The following ZBTB46 variants were observed in gnomAD, a reference collection of about 807,000 sequenced individuals.
The protein encoded by ZBTB46 is zinc finger and BTB domain-containing protein 46.
In ZBTB46, 8 loss-of-function variants were observed where a neutral mutation model predicts 44.1. The observed-to-expected ratio is 0.18, with a 90% CI of 0.11 to 0.33. The LOEUF is 0.33. Ranked by LOEUF, ZBTB46 falls within the 10% of genes least tolerant of loss-of-function variation. ZBTB46 has a pLI of 1.00. For synonymous variants in ZBTB46, 409 were observed against 382.3 expected, an observed-to-expected ratio of 1.07 and a Z score of -0.81; for missense variants, 651 against 847.7, an observed-to-expected ratio of 0.77 and a Z score of 2.88.
chr20:63,765,047 G>A (rs1186019352), intron 3 of ZBTB46, among the ~76,000 whole-genome samples: 1 of 6,960 alleles, frequency 1.4e-4, no homozygotes, highest in Non-Finnish European at 3.6e-4. Flanking sequence ...GTGCGTGCGT[G>A]TGTGTGTATG....
intron 1 of ZBTB46, among the ~76,000 whole-genome samples, chr20:63,830,569 C>T (rs1192783005): frequency 2.7e-5 from 4 of 150,406 alleles, no homozygotes; most frequent in African/African-American, 7.3e-5. Context: ...CCCGCAGTTC[C>T]GACTCTTGGC....
chr20:63,812,799 C>G (rs535998670), intron 1 of ZBTB46, among the ~76,000 whole-genome samples: 5 of 151,506 alleles, frequency 3.3e-5, no homozygotes, highest in Non-Finnish European at 1.5e-5. Flanking sequence ...CAAAACAAAA[C>G]AAAACAAAAA....
At chr20:63,759,397 T>C (rs779608197) in intron 3 of ZBTB46, among the ~76,000 whole-genome samples, 2 of 152,166 alleles carry the variant, frequency 1.3e-5, no homozygotes, top group Non-Finnish European at 2.9e-5. Context: ...TTTTTCTTTT[T>C]TTTCTTTAGT....
intron 1 of ZBTB46, among the ~76,000 whole-genome samples, chr20:63,820,093 C>G (rs574048640): frequency 2.2e-4 from 34 of 152,166 alleles, no homozygotes; most frequent in Non-Finnish European, 3.7e-4. Context: ...AGTAAACAGG[C>G]ACACTTTTTT....
chr20:63,743,910 A>G lies in ZBTB46; in HGVS notation c.*3020T>C, dbSNP rs146835562. The G allele has an allele frequency of 2.5e-4, 38 of 152,768 alleles. No homozygotes were observed. The highest frequency in any genetic ancestry group is 8.2e-4 in the African/African-American group (34 of 41,578). 9.5% of individuals were successfully genotyped at this position (152,768 alleles called of 1,614,324 possible). On this transcript the variant is annotated 3_prime_UTR_variant, in exon 5 of 5. Coordinates refer to ENST00000245663, the MANE Select transcript of ZBTB46 (RefSeq NM_001369741.1). ...TCTCCAATACAAACACAGGTTTATA[A>G]TAAGTAATAGGAAGTCAATATAATA...
Position 63,787,820 on chromosome 20 carries a change from G to A in ZBTB46, c.937+2001C>T, listed in dbSNP as rs1173176278. The A allele has an allele frequency of 2.0e-5, 3 of 152,182 alleles. No individual in the cohort carries two copies. Among genetic ancestry groups the A allele is most frequent in the Non-Finnish European group, 2.9e-5 (2 of 68,042 alleles). 9.4% of individuals were successfully genotyped at this position (152,182 alleles called of 1,614,324 possible). On this transcript the variant is annotated intron_variant, in intron 2 of 4. Coordinates refer to ENST00000245663, the MANE Select transcript of ZBTB46 (RefSeq NM_001369741.1). This position sits in a 1 kb window ranked among gnomAD's most constrained non-coding sequence, Gnocchi z 4.6. Reference sequence around the variant, plus strand: ...CAATGATAAAAGTTAACGTATTATCGAGCTGTGTTCACTCCCGGCTCTCGC... The same window carrying A: ...CAATGATAAAAGTTAACGTATTATCAAGCTGTGTTCACTCCCGGCTCTCGC...
chr20:63,814,871 A>G (rs2092739184), intron 1 of ZBTB46: 1 of 152,572 alleles, frequency 6.6e-6, no homozygotes, highest in Admixed American at 6.5e-5. Flanking sequence ...AGTAGTTGCT[A>G]CCCTTCATTT....
chr20:63,797,394 G>A (rs756616287), intron 1 of ZBTB46, among the ~76,000 whole-genome samples: 14 of 151,544 alleles, frequency 9.2e-5, no homozygotes, highest in Non-Finnish European at 2.1e-4. Flanking sequence ...TCTTAATCTG[G>A]TCTATCATTG....
In ZBTB46 at chr20:63,746,919, G is replaced by A. The variant is rs767041807; in HGVS notation, c.*11C>T. 5.4e-5 allele frequency: 81 copies of A among 1,512,918 alleles called. No homozygotes were observed. Among genetic ancestry groups the A allele is most frequent in the Non-Finnish European group, 6.4e-5 (73 of 1,131,876 alleles). 93.7% of individuals were successfully genotyped at this position (1,512,918 alleles called of 1,614,324 possible). The stretch of plus-strand genomic sequence containing the variant: ...GAGCGAGGCAGCCACCGACCCTGCC[G>A]GCGGGCGGGCCTAGGAGAGCCAGGC... On this transcript the variant is annotated 3_prime_UTR_variant, in exon 5 of 5. Transcript: ENST00000245663.
intron 3 of ZBTB46, among the ~76,000 whole-genome samples, chr20:63,759,119 A>G (rs1341977743): frequency 6.6e-6 from 1 of 152,038 alleles, no homozygotes; most frequent in Non-Finnish European, 1.5e-5. Context: ...AATTTCTCCC[A>G]GCAATATTTT....
rs146506866 is a variant in ZBTB46, at chr20:63,789,629, C to T, written c.937+192G>A. On this transcript the variant is annotated intron_variant, in intron 2 of 4. Coordinates refer to ENST00000245663, the MANE Select transcript of ZBTB46 (RefSeq NM_001369741.1). ...CAGATACACAGGGTCTCCAAGGGCC[C>T]TGGTGATGCCCTGCCCTTTGAGATG... 2.0e-5 allele frequency among the ~76,000 whole-genome samples: 3 copies of T among 152,364 alleles called. No individual in the cohort carries two copies. In the East Asian group the frequency reaches 5.8e-4, roughly 29 times the overall value.
chr20:63,756,309 G>A (rs765002403), intron 3 of ZBTB46, among the ~76,000 whole-genome samples: 11 of 152,236 alleles, frequency 7.2e-5, no homozygotes, highest in Non-Finnish European at 1.0e-4. Flanking sequence ...TGGACTGGCA[G>A]TTGGCTTCAG....
Position 63,752,728 on chromosome 20 carries a change from C to G in ZBTB46, c.1356G>C (p.Gly452=), listed in dbSNP as rs1488757192. The G allele has an allele frequency of 1.9e-6, 3 of 1,608,476 alleles. No individual in the cohort carries two copies. The highest frequency in any genetic ancestry group is 1.3e-5 in the African/African-American group (1 of 74,870). ...GERPYPCEIC[G]KKFTRREHMK... ...TGTGCTCGCGCCGCGTGAACTTCTT[C>G]CCGCAGATCTCGCAGGGGTAGGGCC... Residue 452 remains glycine, a synonymous_variant, in exon 4 of 5, where the codon GGG becomes GGC. Transcript: ENST00000245663. The surrounding 1 kb of genome is among the most constrained non-coding windows in gnomAD (Gnocchi z 5.6).
chr20:63,751,720 C>CTCACCAT (rs1568828142), intron 4 of ZBTB46, among the ~76,000 whole-genome samples: 1 of 95,846 alleles, frequency 1.0e-5, no homozygotes, highest in Admixed American at 9.1e-5. Context: ...CCCGGTGGGT[C>CTCACCAT]GCACCATGAA....
chr20:63,749,369 C>A (rs2092136395), intron 4 of ZBTB46, among the ~76,000 whole-genome samples: 1 of 152,178 alleles, frequency 6.6e-6, no homozygotes. Context: ...CAGAGTCTCG[C>A]TCTGTCACCC....
chr20:63,805,841 C>T (rs1020960771), intron 1 of ZBTB46, among the ~76,000 whole-genome samples: 1 of 151,822 alleles, frequency 6.6e-6, no homozygotes, highest in Non-Finnish European at 1.5e-5. Flanking sequence ...CTGAAGCCTT[C>T]GGCTCACTGC....
At chr20:63,757,249 A>T (rs1277806358) in intron 3 of ZBTB46, among the ~76,000 whole-genome samples, 4 of 152,046 alleles carry the variant, frequency 2.6e-5, no homozygotes, top group Non-Finnish European at 5.9e-5. Context: ...CAGCCTCTCG[A>T]GTAGCTGGGA....
chr20:63,812,339 C>G (rs941050908), intron 1 of ZBTB46, among the ~76,000 whole-genome samples: 2 of 151,920 alleles, frequency 1.3e-5, no homozygotes, highest in African/African-American at 4.8e-5. Context: ...GAAACCCCGT[C>G]TCTACTAAAA....
In ZBTB46 at chr20:63,744,913, C is replaced by G. The variant is rs1394686108; in HGVS notation, c.*2017G>C. On this transcript the variant is annotated 3_prime_UTR_variant, in exon 5 of 5. Coordinates refer to ENST00000245663, the MANE Select transcript of ZBTB46 (RefSeq NM_001369741.1). ...GGTGGCCTGAGAGCAGGGACTGGTA[C>G]AAAACCCAGAGACATTGGTGGGTAG... is the stretch of plus-strand genomic sequence containing the variant. The G allele has an allele frequency of 1.3e-5, 2 of 152,418 alleles. No homozygotes were observed. Among genetic ancestry groups the G allele is most frequent in the Admixed American group, 1.3e-4 (2 of 15,274 alleles). The allele number at this position is 152,418 out of a possible 1,614,324, so 9.4% of individuals were successfully genotyped here. A position where few individuals can be genotyped will look rare whatever the true frequency, so the allele number is the denominator to read the frequency against.
Sources: allele counts gnomAD v4.1 joint callset (sites outside exome capture counted in the v4.1 genomes callset), GRCh38; gene constraint gnomAD v4.1.1; non-coding constraint Gnocchi (gnomAD v3.1); transcripts MANE v1.5; gene names NCBI Gene and HGNC (gene_info 2026-07-23, HGNC 2026-07-21).